The following STAT1 variants were observed in gnomAD, a reference collection of about 807,000 sequenced individuals.
STAT1 encodes signal transducer and activator of transcription 1-alpha/beta.
Under a neutral mutation model 111.7 loss-of-function variants are expected in STAT1, and 24 were observed. The observed-to-expected ratio is 0.21, with a 90% CI of 0.16 to 0.30. STAT1 has a LOEUF of 0.30. STAT1 is among the 10% of genes least tolerant of loss of function. STAT1 has a pLI of 1.00. For synonymous variants in STAT1, 332 were observed against 326.5 expected (o/e 1.02, Z -0.18); for missense variants, 351 against 911.9 (o/e 0.38, Z 7.92).
intron 14 of STAT1, 37 bp from the exon 15 acceptor site, chr2:190,985,697 T>C: frequency 1.9e-6 from 3 of 1,583,156 alleles, no homozygotes; most frequent in Non-Finnish European, 2.6e-6. Context: ...AACACCATGG[T>C]AATGGTCAAA....
chr2:191,005,533 T>A (rs555033303), intron 5 of STAT1, among the ~76,000 whole-genome samples: 6 of 152,352 alleles, frequency 3.9e-5, no homozygotes, highest in African/African-American at 1.4e-4. Context: ...TCAGTACAAC[T>A]TCATATTGTA....
At position 190,981,992 on chromosome 2, in the gene STAT1, C is replaced by A. The variant is rs1055217178; in HGVS notation, c.1582+391G>T. Among the ~76,000 whole-genome samples the A allele has an allele frequency of 3.3e-5, 5 of 152,214 alleles. No homozygotes were observed. The highest frequency in any genetic ancestry group is 3.3e-4 in the Admixed American group (5 of 15,282). On this transcript the variant is annotated intron_variant, in intron 18 of 24. Coordinates refer to ENST00000361099, the MANE Select transcript of STAT1 (RefSeq NM_007315.4). The surrounding 1 kb of genome is among the most constrained non-coding windows in gnomAD (Gnocchi z 4.1). The stretch of plus-strand genomic sequence containing the variant: ...CTGGGTTTATGCTGCAGTGGGCAAG[C>A]CCCAGGACTTTATTTCTCATCATGT...
rs1694674736 is a variant in STAT1 at position 191,006,160 on chromosome 2, A to G, written c.372+1403T>C. On this transcript the variant is annotated intron_variant, in intron 5 of 24. Coordinates refer to ENST00000361099, the MANE Select transcript of STAT1 (RefSeq NM_007315.4). This position sits in a 1 kb window ranked among gnomAD's most constrained non-coding sequence, Gnocchi z 4.6. ...TCCTGGCTGTCCTTTCAAGTCTATT[A>G]GAAATACAGAGGAGGCCCACGCATA... is the stretch of plus-strand genomic sequence containing the variant. 6.6e-6 allele frequency among the ~76,000 whole-genome samples: 1 copy of G among 152,206 alleles called. No homozygotes were observed. Among genetic ancestry groups the G allele is most frequent in the South Asian group, 2.1e-4 (1 of 4,834 alleles).
At position 190,975,100 on chromosome 2, in the gene STAT1, G is replaced by C. The variant is rs563882045; in HGVS notation, c.2136-168C>G. 6.6e-6 allele frequency among the ~76,000 whole-genome samples: 1 copy of C among 152,328 alleles called. No individual in the cohort carries two copies. The highest frequency in any genetic ancestry group is 2.4e-5 in the African/African-American group (1 of 41,566). Reference sequence around the variant, plus strand: ...ACATTTGCAAAAGTACAGCTCATGGGAGGCTCATGTCCCCAGCCCAGCCCC... The same window carrying C: ...ACATTTGCAAAAGTACAGCTCATGGCAGGCTCATGTCCCCAGCCCAGCCCC... On this transcript the variant is annotated intron_variant, in intron 23 of 24. Transcript: ENST00000361099. This position sits in a 1 kb window ranked among gnomAD's most constrained non-coding sequence, Gnocchi z 5.9.
At position 190,976,984 on chromosome 2, in the gene STAT1, GTT is replaced by G; in HGVS notation, c.1913_1914del (p.Glu638AlafsTer8). 1 of 1,614,204 alleles carries G rather than the reference GTT, an allele frequency of 6.2e-7. No individual in the cohort carries two copies. Among genetic ancestry groups the G allele is most frequent in the Non-Finnish European group, 8.5e-7 (1 of 1,180,038 alleles). ...FHAVEPYTKK[E>X]LSAVTFPDII... is the part of the protein sequence containing the mutation. ...ATGTCAGGGAAAGTAACAGCAGAAA[GTT>G]CTTTCTTCGTGTAGGGTTCAACCGC... On this transcript the variant is annotated frameshift_variant, in exon 22 of 25. Transcript: ENST00000361099. LOFTEE classifies it high-confidence loss of function. This position sits in a 1 kb window ranked among gnomAD's most constrained non-coding sequence, Gnocchi z 6.0.
Position 190,987,920 on chromosome 2 carries a change from G to A in STAT1, c.1098-852C>T, listed in dbSNP as rs890761813. On this transcript the variant is annotated intron_variant, in intron 12 of 24. Transcript: ENST00000361099. The surrounding 1 kb of genome is among the most constrained non-coding windows in gnomAD (Gnocchi z 4.0). Reference sequence around the variant, plus strand: ...GGGATAGTATGATAAAAGCTGACTTGTCAAAGCTAAGAAGACCGTCAGAGC... The same window carrying A: ...GGGATAGTATGATAAAAGCTGACTTATCAAAGCTAAGAAGACCGTCAGAGC... Among the ~76,000 whole-genome samples, 1 of 152,206 alleles carries A rather than the reference G, an allele frequency of 6.6e-6. No homozygotes were observed. Among genetic ancestry groups the A allele is most frequent in the Non-Finnish European group, 1.5e-5 (1 of 68,028 alleles).
At chr2:191,008,281 T>C (rs7589233) in intron 4 of STAT1, among the ~76,000 whole-genome samples, 30 of 152,202 alleles carry the variant, frequency 2.0e-4, no homozygotes, top group African/African-American at 6.5e-4. Context: ...AAAAGTTCAG[T>C]TGTATTGTAT....
chr2:190,991,146 A>G, intron 11 of STAT1, 82 bp downstream of exon 11: 1 of 1,307,130 alleles, frequency 7.7e-7, no homozygotes, highest in Non-Finnish European at 1.1e-6. Flanking sequence ...AAAGCACCCT[A>G]TATAACAGTT....
rs1691714771 is a variant in STAT1, at chr2:190,974,131, A to C, written c.2238+699T>G. On this transcript the variant is annotated intron_variant, in intron 24 of 24. Transcript: ENST00000361099. This position sits in a 1 kb window ranked among gnomAD's most constrained non-coding sequence, Gnocchi z 4.8. The stretch of plus-strand genomic sequence containing the variant: ...TTAAAATTAAACAGCATCAGCAAAA[A>C]TCCAGCCAAGCAAGCACAATCTTTA... Among the ~76,000 whole-genome samples the C allele has an allele frequency of 6.6e-6, 1 of 152,250 alleles. No individual in the cohort carries two copies.
chr2:190,992,754 A>G, intron 10 of STAT1: 1 of 805,674 alleles, frequency 1.2e-6, no homozygotes, highest in Non-Finnish European at 1.8e-6. Context: ...CTCAGCTGCC[A>G]TCATCATGGA....
chr2:190,983,093 G>A lies in STAT1; in HGVS notation c.1446+549C>T, dbSNP rs967566258. ...ATGAGTTACAGTGATCCTAGCTATA[G>A]GTGTAATGTTAATGCCTCAACAAGT... On this transcript the variant is annotated intron_variant, in intron 17 of 24. Coordinates refer to ENST00000361099, the MANE Select transcript of STAT1 (RefSeq NM_007315.4). This position sits in a 1 kb window ranked among gnomAD's most constrained non-coding sequence, Gnocchi z 5.7. Among the ~76,000 whole-genome samples the A allele has an allele frequency of 6.6e-6, 1 of 152,152 alleles. No individual in the cohort carries two copies. Among genetic ancestry groups the A allele is most frequent in the Non-Finnish European group, 1.5e-5 (1 of 68,016 alleles).
In STAT1 at chr2:190,982,876, A is replaced by G. The variant is rs931202206; in HGVS notation, c.1447-358T>C. ...ACACTCGCTTCCTGTTTCACCTCTC[A>G]TAAGAAAAACGTGTCCTTTTTGAAG... On this transcript the variant is annotated intron_variant, in intron 17 of 24. Coordinates refer to ENST00000361099, the MANE Select transcript of STAT1 (RefSeq NM_007315.4). This position sits in a 1 kb window ranked among gnomAD's most constrained non-coding sequence, Gnocchi z 7.3. 3.3e-5 allele frequency among the ~76,000 whole-genome samples: 5 copies of G among 152,264 alleles called. No individual in the cohort carries two copies. The highest frequency in any genetic ancestry group is 9.6e-5 in the African/African-American group (4 of 41,544).
Position 191,003,973 on chromosome 2 carries a change from T to A in STAT1, c.373-2810A>T, listed in dbSNP as rs186843939. Among the ~76,000 whole-genome samples, 876 of 152,272 alleles carry A rather than the reference T, an allele frequency of 5.8e-3. 8 individuals are homozygous for A. The highest frequency in any genetic ancestry group is 0.01 in the Non-Finnish European group (708 of 68,000). On this transcript the variant is annotated intron_variant, in intron 5 of 24. Coordinates refer to ENST00000361099, the MANE Select transcript of STAT1 (RefSeq NM_007315.4). The surrounding 1 kb of genome is among the most constrained non-coding windows in gnomAD (Gnocchi z 4.0). ...CAATGGCTGTAAAACAGCAGCTACA[T>A]CCCCAGCTTCTACATCCCCTTTCTA... is the stretch of plus-strand genomic sequence containing the variant.
At position 190,998,318 on chromosome 2, in the gene STAT1, G is replaced by C; in HGVS notation, c.542-10C>G. The stretch of plus-strand genomic sequence containing the variant: ...CCATTGGTCTCGTGTTCTATAAATT[G>C]AGAGACAGCCAGTAAATATATAAAG... On this transcript the variant is annotated splice_polypyrimidine_tract_variant and intron_variant, in intron 7 of 24. Transcript: ENST00000361099. The surrounding 1 kb of genome is among the most constrained non-coding windows in gnomAD (Gnocchi z 4.1). 1 of 1,600,748 alleles carries C rather than the reference G, an allele frequency of 6.2e-7. No individual in the cohort carries two copies. The highest frequency in any genetic ancestry group is 8.6e-7 in the Non-Finnish European group (1 of 1,168,568).
rs1691859260 is a variant in STAT1 at position 190,975,737 on chromosome 2, A to G, written c.2135+75T>C. 7 of 1,599,916 alleles carry G rather than the reference A, an allele frequency of 4.4e-6. No homozygotes were observed. The Admixed American group carries it at 5.1e-5, about 12-fold the overall frequency. On this transcript the variant is annotated intron_variant, in intron 23 of 24. Coordinates refer to ENST00000361099, the MANE Select transcript of STAT1 (RefSeq NM_007315.4). This position sits in a 1 kb window ranked among gnomAD's most constrained non-coding sequence, Gnocchi z 5.9. ...TACAATGGAAAAGTAAAATACAAGC[A>G]TCTTCAACAGGCCCCAGCCAGGAGC... is the stretch of plus-strand genomic sequence containing the variant.
chr2:190,995,635 G>A lies in STAT1; in HGVS notation c.786-416C>T, dbSNP rs758486165. Among the ~76,000 whole-genome samples the A allele has an allele frequency of 1.3e-5, 2 of 152,166 alleles. No homozygotes were observed. Among genetic ancestry groups the A allele is most frequent in the African/African-American group, 2.4e-5 (1 of 41,434 alleles). ...AAGGTGAGATTTGGGTGGGGACACG[G>A]CCAAACCATATGGCATGGAAACCAA... On this transcript the variant is annotated intron_variant, in intron 9 of 24. Coordinates refer to ENST00000361099, the MANE Select transcript of STAT1 (RefSeq NM_007315.4). This position sits in a 1 kb window ranked among gnomAD's most constrained non-coding sequence, Gnocchi z 4.2.
chr2:190,992,019 T>C (rs1278512867), intron 10 of STAT1, among the ~76,000 whole-genome samples: 2 of 152,210 alleles, frequency 1.3e-5, no homozygotes, highest in Non-Finnish European at 2.9e-5. Flanking sequence ...GGGAACCAAG[T>C]ACATTTTTTT....
chr2:190,990,549 T>C lies in STAT1; in HGVS notation c.1037+679A>G, dbSNP rs557015336. On this transcript the variant is annotated intron_variant, in intron 11 of 24. Coordinates refer to ENST00000361099, the MANE Select transcript of STAT1 (RefSeq NM_007315.4). The surrounding 1 kb of genome is among the most constrained non-coding windows in gnomAD (Gnocchi z 5.1). ...ATCGAGGAGAAAGACTACAAAACAATGTATGTAGCCTACTCCGAGTTTTTA... is the reference window on the plus strand; with the variant it reads ...ATCGAGGAGAAAGACTACAAAACAACGTATGTAGCCTACTCCGAGTTTTTA... Among the ~76,000 whole-genome samples, 48 of 152,314 alleles carry C rather than the reference T, an allele frequency of 3.2e-4. No homozygotes were observed. Among genetic ancestry groups the C allele is most frequent in the South Asian group, 8.3e-4 (4 of 4,826 alleles).
chr2:190,998,330 G>A lies in STAT1; in HGVS notation c.542-22C>T, dbSNP rs1694002957. On this transcript the variant is annotated intron_variant, in intron 7 of 24. Coordinates refer to ENST00000361099, the MANE Select transcript of STAT1 (RefSeq NM_007315.4). This position sits in a 1 kb window ranked among gnomAD's most constrained non-coding sequence, Gnocchi z 4.1. The stretch of plus-strand genomic sequence containing the variant: ...TGTTCTATAAATTGAGAGACAGCCA[G>A]TAAATATATAAAGAAGACAAAACCA... 4 of 1,572,884 alleles carry A rather than the reference G, an allele frequency of 2.5e-6. No homozygotes were observed. Among genetic ancestry groups the A allele is most frequent in the Non-Finnish European group, 3.5e-6 (4 of 1,143,674 alleles).
Sources: allele counts gnomAD v4.1 joint callset (sites outside exome capture counted in the v4.1 genomes callset), GRCh38; gene constraint gnomAD v4.1.1; non-coding constraint Gnocchi (gnomAD v3.1); transcripts MANE v1.5; gene names NCBI Gene and HGNC (gene_info 2026-07-23, HGNC 2026-07-21).